TRAPPC13: variants seen among roughly 807,000 people sequenced by gnomAD.
TRAPPC13 encodes the protein REV7-interacting novel NHEJ regulator 1.
A neutral mutation model predicts 54.0 loss-of-function variants in TRAPPC13; 39 were observed. The ratio of observed to expected loss-of-function variants is 0.72; its 90% CI spans 0.56 to 0.94. The LOEUF is 0.94. Among genes scored for constraint, TRAPPC13 ranks in the 40% least tolerant of loss-of-function variants. TRAPPC13 has a pLI of 0.00. For synonymous variants in TRAPPC13, 148 were observed against 167.7 expected, an observed-to-expected ratio of 0.88 and a Z score of 0.91; for missense variants, 386 against 488.1, an observed-to-expected ratio of 0.79 and a Z score of 1.97.
At chr5:65,646,585 T>C (rs1756217312) in intron 4 of TRAPPC13, among the ~76,000 whole-genome samples, 1 of 152,184 alleles carries the variant, frequency 6.6e-6, no homozygotes, top group Non-Finnish European at 1.5e-5. Context: ...CAATGTATTA[T>C]TTTGTTTTGT....
At chr5:65,653,104 TA>T (rs747220385) in intron 7 of TRAPPC13, among the ~76,000 whole-genome samples, 4 of 60,292 alleles carry the variant, frequency 6.6e-5, no homozygotes, top group Admixed American at 3.1e-4. Context: ...TCTTTTACCC[TA>T]AAAAAAAAGA....
chr5:65,658,596 C>CT lies in TRAPPC13; in HGVS notation c.698+102dup. The CT allele has an allele frequency of 1.3e-5, 14 of 1,114,758 alleles. No individual in the cohort carries two copies. The South Asian group carries it at 2.2e-4, about 18-fold the overall frequency. 69.1% of individuals were successfully genotyped at this position (1,114,758 alleles called of 1,614,324 possible). A position where few individuals can be genotyped will look rare whatever the true frequency, so the allele number is the denominator to read the frequency against. On this transcript the variant is annotated intron_variant, in intron 9 of 12. Coordinates refer to ENST00000399438, the MANE Select transcript of TRAPPC13 (RefSeq NM_024941.4). ...CTTCAGTGGGTTTTTTTTTAATAGA[C>CT]TTTTTTTAAAGAATTTGAGGTTCAT...
At chr5:65,633,928 A>AT (rs1228708247) in intron 1 of TRAPPC13, among the ~76,000 whole-genome samples, 2 of 115,544 alleles carry the variant, frequency 1.7e-5, no homozygotes, top group African/African-American at 6.0e-5. Context: ...TAATCCTTTA[A>AT]TTGATTTTTT....
Position 65,635,954 on chromosome 5 carries a change from T to C in TRAPPC13, c.126T>C (p.Phe42=). 6.3e-7 allele frequency: 1 copy of C among 1,590,168 alleles called. No individual in the cohort carries two copies. The highest frequency in any genetic ancestry group is 8.6e-7 in the Non-Finnish European group (1 of 1,166,812). ...CEEKDLPGDL[F]NQLMRDDPST... is the part of the protein sequence containing the mutation. The stretch of plus-strand genomic sequence containing the variant: ...TTTCTCTTCATTCAGGAGATCTCTT[T>C]AACCAGCTGATGAGAGATGATCCTT... The change falls in exon 3 of 13, where the codon TTT becomes TTC. Residue 42 remains phenylalanine (F), a synonymous_variant. Coordinates refer to ENST00000399438, the MANE Select transcript of TRAPPC13 (RefSeq NM_024941.4).
In TRAPPC13 at chr5:65,635,937, C is replaced by T. The variant is rs774044740; in HGVS notation, c.116-7C>T. ...TGTTAGAATTTTATGTTTTTCTCTT[C>T]ATTCAGGAGATCTCTTTAACCAGCT... On this transcript the variant is annotated splice_polypyrimidine_tract_variant and splice_region_variant and intron_variant, in intron 2 of 12. Coordinates refer to ENST00000399438, the MANE Select transcript of TRAPPC13 (RefSeq NM_024941.4). 27 of 1,556,626 alleles carry T rather than the reference C, an allele frequency of 1.7e-5. No homozygotes were observed. The highest frequency in any genetic ancestry group is 6.9e-5 in the East Asian group (3 of 43,432).
At position 65,658,377 on chromosome 5, in the gene TRAPPC13, G is replaced by T; in HGVS notation, c.574G>T (p.Val192Leu). 6.3e-7 allele frequency: 1 copy of T among 1,598,320 alleles called. No individual in the cohort carries two copies. ...ESDLSSVTDEVFLEAQIQNMT... is the reference protein window; with the variant it reads ...ESDLSSVTDELFLEAQIQNMT... ...TTTTTCATATCCTCAGACTGATGAA[G>T]TATTTCTGGAAGCCCAGATTCAGAA... is the stretch of plus-strand genomic sequence containing the variant. The change falls in exon 9 of 13, where the codon GTA (valine) becomes TTA (leucine). Residue 192 changes from valine to leucine, a missense_variant. Physicochemically the swap from Val to Leu is conservative, Grantham distance 32. Transcript: ENST00000399438.
At chr5:65,637,841 G>T in intron 4 of TRAPPC13, 61 bp downstream of exon 4, 1 of 940,722 alleles carries the variant, frequency 1.1e-6, no homozygotes, top group Non-Finnish European at 1.6e-6. Context: ...TTTTTAGGCC[G>T]GGCATGGTGG....
At chr5:65,652,423 T>C (rs1756499314) in intron 6 of TRAPPC13, 78 bp from the exon 7 acceptor site, 1 of 994,402 alleles carries the variant, frequency 1.0e-6, no homozygotes, top group Non-Finnish European at 1.5e-6. Flanking sequence ...ACTGACAAAC[T>C]TACACTATTT....
intron 8 of TRAPPC13, 184 bp from the exon 9 acceptor site, chr5:65,658,184 C>A: frequency 4.1e-6 from 2 of 489,002 alleles, no homozygotes; most frequent in Non-Finnish European, 6.9e-6. Context: ...TTGACTTTGC[C>A]CCTGTTAATT....
rs1757002184 is a variant in TRAPPC13 at position 65,665,313 on chromosome 5, T to A, written c.*702T>A. 6.6e-6 allele frequency: 1 copy of A among 152,178 alleles called. No homozygotes were observed. Among genetic ancestry groups the A allele is most frequent in the Admixed American group, 6.5e-5 (1 of 15,276 alleles). The allele number at this position is 152,178 out of a possible 1,614,324, so 9.4% of individuals were successfully genotyped here. A position where few individuals can be genotyped will look rare whatever the true frequency, so the allele number is the denominator to read the frequency against. On this transcript the variant is annotated 3_prime_UTR_variant, in exon 13 of 13. Transcript: ENST00000399438. ...TTTGGTTAGAAATATTTCAGTTAAC[T>A]CCAGTTTTTTCCTAGCTATTCGGTC...
chr5:65,660,757 T>C lies in TRAPPC13; in HGVS notation c.757T>C (p.Tyr253His). 4 of 1,613,708 alleles carry C rather than the reference T, an allele frequency of 2.5e-6. No homozygotes were observed. Among genetic ancestry groups the C allele is most frequent in the African/African-American group, 1.3e-5 (1 of 75,038 alleles). The part of the protein sequence containing the change: ...LQPMDTRQYL[Y>H]CLKPKNEFAE... ...ACCAATGGATACACGCCAGTACTTA[T>C]ACTGCCTAAAGCCAAAGAATGAATT... is the stretch of plus-strand genomic sequence containing the variant. The change falls in exon 10 of 13, where the codon TAC becomes CAC. Residue 253 changes from tyrosine (Y) to histidine (H), a missense_variant. Tyr to His is a moderately conservative substitution (Grantham distance 83). Coordinates refer to ENST00000399438, the MANE Select transcript of TRAPPC13 (RefSeq NM_024941.4).
chr5:65,655,370 T>C (rs771243247), intron 7 of TRAPPC13, among the ~76,000 whole-genome samples: 5 of 152,214 alleles, frequency 3.3e-5, no homozygotes, highest in Non-Finnish European at 7.4e-5. Flanking sequence ...CTCCAAAATG[T>C]GCCCTTAACA....
chr5:65,650,243 C>A (rs1332353888), intron 5 of TRAPPC13, among the ~76,000 whole-genome samples: 2 of 145,426 alleles, frequency 1.4e-5, no homozygotes, highest in Non-Finnish European at 3.0e-5. Flanking sequence ...CTCACCACAA[C>A]CTCCACCTCC....
intron 4 of TRAPPC13, among the ~76,000 whole-genome samples, chr5:65,639,148 C>A (rs557952376): frequency 6.6e-5 from 10 of 152,116 alleles, no homozygotes; most frequent in Admixed American, 6.5e-4. Context: ...ATGAGAACAG[C>A]ACAGGAAAGA....
intron 4 of TRAPPC13, among the ~76,000 whole-genome samples, chr5:65,645,198 C>CAAAAAAAAAAA (rs71610504): frequency 1.8e-5 from 2 of 108,802 alleles, no homozygotes; most frequent in Non-Finnish European, 3.6e-5. Context: ...AACTCTGTCT[C>CAAAAAAAAAAA]AAAAAAAAAA....
intron 1 of TRAPPC13, among the ~76,000 whole-genome samples, chr5:65,626,460 C>T (rs550058606): frequency 3.2e-4 from 48 of 152,330 alleles, no homozygotes; most frequent in African/African-American, 1.2e-3. Context: ...AAATTGCAGC[C>T]GCGCGTGGTG....
chr5:65,651,793 CTGAATCATTCATTTGT>C (rs1756454733), intron 6 of TRAPPC13, among the ~76,000 whole-genome samples: 1 of 136,246 alleles, frequency 7.3e-6, no homozygotes, highest in Admixed American at 7.7e-5. Context: ...CATTCTTTTG[CTGAATCATTCATTTGT>C]ATGCTTTTTG....
rs933728440 is a variant in TRAPPC13, at chr5:65,650,797, C to G, written c.429-13C>G. 1.2e-6 allele frequency: 2 copies of G among 1,608,648 alleles called. No homozygotes were observed. Among genetic ancestry groups the G allele is most frequent in the South Asian group, 2.2e-5 (2 of 90,642 alleles). ...AAATGACTCAGAATCGTTAAGACAT[C>G]TTTCTGTTTCAGCTTGGTATGTGCT... On this transcript the variant is annotated splice_polypyrimidine_tract_variant and intron_variant, in intron 5 of 12. Transcript: ENST00000399438.
intron 9 of TRAPPC13, among the ~76,000 whole-genome samples, 180 bp from the exon 10 acceptor site, chr5:65,660,519 G>GA (rs905946697): frequency 3.3e-5 from 5 of 151,872 alleles, no homozygotes; most frequent in Non-Finnish European, 5.9e-5. Flanking sequence ...AAAAATGAAG[G>GA]AAAAATAAAT....
Sources: allele counts gnomAD v4.1 joint callset (sites outside exome capture counted in the v4.1 genomes callset), GRCh38; gene constraint gnomAD v4.1.1; transcripts MANE v1.5; gene names NCBI Gene and HGNC (gene_info 2026-07-23, HGNC 2026-07-21).